TAFA5: variants seen among roughly 807,000 people sequenced by gnomAD.
TAFA5 encodes the protein TAFA chemokine like family member 5, also known as chemokine-like protein TAFA-5.
In TAFA5, 6 loss-of-function variants were observed where a neutral mutation model predicts 15.3. The ratio of observed to expected loss-of-function variants is 0.39; its 90% CI spans 0.21 to 0.77. The LOEUF is 0.77. Ranked by LOEUF, TAFA5 falls within the 30% of genes least tolerant of loss-of-function variation. TAFA5 has a pLI of 0.41. For missense variants in TAFA5, 161 were observed against 193.1 expected, an observed-to-expected ratio of 0.83 and a Z score of 0.98; for synonymous variants, 103 against 80.7, an observed-to-expected ratio of 1.28 and a Z score of -1.48.
intron 1 of TAFA5, chr22:48,546,374 A>C: frequency 2.5e-6 from 1 of 395,158 alleles, no homozygotes; most frequent in South Asian, 1.9e-5. Context: ...TAATTCAGCA[A>C]ACACATGCTG....
intron 1 of TAFA5, among the ~76,000 whole-genome samples, chr22:48,563,922 GC>G (rs1468647360): frequency 6.6e-6 from 1 of 152,234 alleles, no homozygotes; most frequent in Non-Finnish European, 1.5e-5. Flanking sequence ...CTGGAGCCGG[GC>G]ATCCTTGTCC....
intron 3 of TAFA5, among the ~76,000 whole-genome samples, chr22:48,729,317 ATAT>A (rs1264609573): frequency 1.2e-5 from 1 of 86,714 alleles, no homozygotes; most frequent in East Asian, 2.2e-4. Flanking sequence ...TAAATATATA[ATAT>A]TTTTATATTT....
Position 48,531,522 on chromosome 22 carries a change from C to T in TAFA5, c.112+41818C>T, listed in dbSNP as rs552425936. ...AGTGGGTCTTCCCTGCAGGTGCAGT[C>T]GACATGTGGGTTACTGACTTGGTTT... is the stretch of plus-strand genomic sequence containing the variant. On this transcript the variant is annotated intron_variant, in intron 1 of 3. Coordinates refer to ENST00000402357, the MANE Select transcript of TAFA5 (RefSeq NM_001082967.3). 1.1e-4 allele frequency among the ~76,000 whole-genome samples: 17 copies of T among 152,262 alleles called. No individual in the cohort carries two copies. In the South Asian group the frequency reaches 1.7e-3, roughly 15 times the overall value.
chr22:48,519,324 A>G (rs1052115996), intron 1 of TAFA5, among the ~76,000 whole-genome samples: 5 of 152,248 alleles, frequency 3.3e-5, no homozygotes, highest in African/African-American at 1.2e-4. Flanking sequence ...TTTCACTTTT[A>G]ATAACTCTGG....
At chr22:48,637,782 A>G (rs1926503475) in intron 1 of TAFA5, among the ~76,000 whole-genome samples, 1 of 151,934 alleles carries the variant, frequency 6.6e-6, no homozygotes, top group South Asian at 2.1e-4. Flanking sequence ...CGTCCCCAAC[A>G]CTTTCACAGC....
intron 1 of TAFA5, among the ~76,000 whole-genome samples, chr22:48,630,365 C>A (rs890657417): frequency 6.6e-6 from 1 of 152,202 alleles, no homozygotes; most frequent in Non-Finnish European, 1.5e-5. Flanking sequence ...GAGGGGCAGG[C>A]GCCCAGAGCT....
At chr22:48,576,290 C>T in intron 1 of TAFA5, 1 of 1,104,212 alleles carries the variant, frequency 9.1e-7, no homozygotes, top group South Asian at 4.5e-5. Flanking sequence ...CGCCCGCTCC[C>T]CTCCCCCCTG....
chr22:48,562,765 G>T (rs1160916019), intron 1 of TAFA5, among the ~76,000 whole-genome samples: 2 of 152,156 alleles, frequency 1.3e-5, no homozygotes, highest in Non-Finnish European at 2.9e-5. Context: ...GGTCAGGGCG[G>T]GTCAGGCCTG....
chr22:48,576,673 C>T (rs1453273147), intron 1 of TAFA5: 9 of 1,208,782 alleles, frequency 7.4e-6, no homozygotes, highest in Non-Finnish European at 9.4e-6. Context: ...TGCCGCCGCG[C>T]TCGGCTGAGG....
chr22:48,592,604 A>G (rs931541390), intron 1 of TAFA5, among the ~76,000 whole-genome samples: 1 of 149,726 alleles, frequency 6.7e-6, no homozygotes, highest in South Asian at 2.2e-4. Context: ...TCTGGGGCGC[A>G]CTCCTCTGCG....
intron 1 of TAFA5, among the ~76,000 whole-genome samples, chr22:48,503,500 G>A (rs192302906): frequency 1.5e-4 from 23 of 152,324 alleles, no homozygotes; most frequent in Admixed American, 5.9e-4. Flanking sequence ...AGAGCAAAAC[G>A]CATCACCAAA....
At chr22:48,731,739 G>T (rs569734966) in intron 3 of TAFA5, among the ~76,000 whole-genome samples, 1 of 152,296 alleles carries the variant, frequency 6.6e-6, no homozygotes, top group South Asian at 2.1e-4. Flanking sequence ...GCTGCTCATT[G>T]ACAATGCACT....
At position 48,502,039 on chromosome 22, in the gene TAFA5, A is replaced by G. The variant is rs73171480; in HGVS notation, c.112+12335A>G. ...AATACTGTCTGTGTGGGTTCTCCCA[A>G]TGTCATTGCTGCCAGCCTGTGGCCC... On this transcript the variant is annotated intron_variant, in intron 1 of 3. Coordinates refer to ENST00000402357, the MANE Select transcript of TAFA5 (RefSeq NM_001082967.3). Among the ~76,000 whole-genome samples the G allele has an allele frequency of 6.6e-4, 101 of 152,330 alleles. 1 individual carries two copies. The highest frequency in any genetic ancestry group is 2.7e-3 in the Admixed American group (41 of 15,308).
At chr22:48,746,959 CCCTT>C (rs1930346519) in intron 3 of TAFA5, among the ~76,000 whole-genome samples, 1 of 152,188 alleles carries the variant, frequency 6.6e-6, no homozygotes, top group East Asian at 1.9e-4. Flanking sequence ...GCCAGCACCT[CCCTT>C]CCAGTAGGAC....
At chr22:48,656,836 C>A (rs958615865) in intron 2 of TAFA5, among the ~76,000 whole-genome samples, 1 of 145,354 alleles carries the variant, frequency 6.9e-6, no homozygotes, top group Non-Finnish European at 1.5e-5. Flanking sequence ...GTGATCTCAG[C>A]TCTCTGCAAC....
chr22:48,650,110 A>G (rs143495514), intron 2 of TAFA5, among the ~76,000 whole-genome samples: 104 of 152,348 alleles, frequency 6.8e-4, no homozygotes, highest in Middle Eastern at 6.8e-3. Flanking sequence ...CTCTGCGTGC[A>G]TAATAAGTTT....
At chr22:48,589,132 C>G (rs559992267) in intron 1 of TAFA5, among the ~76,000 whole-genome samples, 3 of 152,298 alleles carry the variant, frequency 2.0e-5, no homozygotes, top group Non-Finnish European at 2.9e-5. Flanking sequence ...ACTCCCTGCT[C>G]CTGCCCGCTG....
At chr22:48,702,747 C>G (rs1928951543) in intron 2 of TAFA5, among the ~76,000 whole-genome samples, 1 of 152,252 alleles carries the variant, frequency 6.6e-6, no homozygotes, top group Non-Finnish European at 1.5e-5. Context: ...GAGGGGAGGC[C>G]TCCTCACCCG....
chr22:48,491,426 G>C (rs1362257708), intron 1 of TAFA5, among the ~76,000 whole-genome samples: 2 of 152,132 alleles, frequency 1.3e-5, no homozygotes, highest in African/African-American at 4.8e-5. Flanking sequence ...AGCAGTGTTT[G>C]GGGAGGGGCT....
Sources: gnomAD v4.1 joint callset for allele counts (sites outside exome capture counted in the v4.1 genomes callset) on GRCh38, gnomAD v4.1.1 for gene constraint, MANE v1.5 for transcripts, NCBI Gene and HGNC (gene_info 2026-07-23, HGNC 2026-07-21) for gene names.